KCNK10: variants seen among roughly 807,000 people sequenced by gnomAD.
KCNK10 encodes potassium two pore domain channel subfamily K member 10.
KCNK10 carries 25 observed loss-of-function variants against 47.7 expected under a neutral mutation model. The ratio of observed to expected loss-of-function variants is 0.52; its 90% CI spans 0.38 to 0.73. The LOEUF (loss-of-function observed/expected upper bound fraction) is 0.73, where lower values mean the gene tolerates loss of function less well. Ranked by LOEUF, KCNK10 falls within the 30% of genes least tolerant of loss-of-function variation. KCNK10 has a pLI of 0.00. For synonymous variants in KCNK10, 303 were observed against 285.6 expected (o/e 1.06, Z -0.61); for missense variants, 563 against 714.5 (o/e 0.79, Z 2.42).
chr14:88,222,544 CTCTAG>C (rs2139866442), intron 4 of KCNK10, among the ~76,000 whole-genome samples: 1 of 152,178 alleles, frequency 6.6e-6, no homozygotes, highest in East Asian at 1.9e-4. Flanking sequence ...AAACTATGGA[CTCTAG>C]GTGATAATGA....
chr14:88,290,034 T>C lies in KCNK10; in HGVS notation c.53-26483A>G, dbSNP rs368592593. Among the ~76,000 whole-genome samples, 8 of 152,216 alleles carry C rather than the reference T, an allele frequency of 5.3e-5. No homozygotes were observed. The East Asian group carries it at 1.5e-3, about 29-fold the overall frequency. ...TAAATAATTGGTAGGATCAGCAGGATAATGTTCGGTCCCCCAAAGATGTCC... is the reference window on the plus strand; with the variant it reads ...TAAATAATTGGTAGGATCAGCAGGACAATGTTCGGTCCCCCAAAGATGTCC... On this transcript the variant is annotated intron_variant, in intron 1 of 6. Coordinates refer to ENST00000319231, the MANE Select transcript of KCNK10 (RefSeq NM_138317.3).
chr14:88,252,020 A>G (rs906333766), intron 2 of KCNK10, among the ~76,000 whole-genome samples: 1 of 152,214 alleles, frequency 6.6e-6, no homozygotes, highest in Non-Finnish European at 1.5e-5. Context: ...TAACATGCAT[A>G]AGGTTTGGCT....
chr14:88,285,489 A>G lies in KCNK10; in HGVS notation c.53-21938T>C, dbSNP rs546098155. On this transcript the variant is annotated intron_variant, in intron 1 of 6. Coordinates refer to ENST00000319231, the MANE Select transcript of KCNK10 (RefSeq NM_138317.3). ...TCCAGAGACTAGTTAATTGAAAGCC[A>G]TCTGTATTTGTCTTCACCTTTTAGC... Among the ~76,000 whole-genome samples, 17 of 152,302 alleles carry G rather than the reference A, an allele frequency of 1.1e-4. No homozygotes were observed. In the South Asian group the frequency reaches 3.3e-3, roughly 30 times the overall value.
intron 1 of KCNK10, among the ~76,000 whole-genome samples, chr14:88,314,898 C>T (rs886433738): frequency 6.6e-6 from 1 of 152,122 alleles, no homozygotes; most frequent in African/African-American, 2.4e-5. Flanking sequence ...ATGAAGATAC[C>T]AAGTCACAGA....
At chr14:88,204,255 A>T (rs1249042455) in intron 4 of KCNK10, among the ~76,000 whole-genome samples, 1 of 152,184 alleles carries the variant, frequency 6.6e-6, no homozygotes, top group Non-Finnish European at 1.5e-5. Context: ...AAATAACAGC[A>T]CTGTGCCCTT....
chr14:88,186,089 G>A lies in KCNK10; in HGVS notation c.1078C>T (p.Arg360Trp), dbSNP rs763501900. Residue 360 changes from arginine to tryptophan, a missense_variant, in exon 7 of 7, where the codon CGG becomes TGG. Coordinates refer to ENST00000319231, the MANE Select transcript of KCNK10 (RefSeq NM_138317.3). The surrounding 1 kb of genome is among the most constrained non-coding windows in gnomAD (Gnocchi z 5.5). ...ANVTAEFRET[R>W]RRLSVEIHDK... ...TGGATCTCCACGCTGAGCCTTCGCC[G>A]TGTCTCCCGGAACTCAGCCGTGACA... 3.7e-6 allele frequency: 6 copies of A among 1,611,224 alleles called. No homozygotes were observed. Among genetic ancestry groups the A allele is most frequent in the Non-Finnish European group, 4.2e-6 (5 of 1,179,480 alleles).
chr14:88,254,090 T>C (rs760736394), intron 2 of KCNK10, among the ~76,000 whole-genome samples: 3 of 152,052 alleles, frequency 2.0e-5, no homozygotes, highest in Non-Finnish European at 2.9e-5. Context: ...GCCATGCAGA[T>C]GAAGGCCCCG....
chr14:88,261,853 C>T (rs571344326), intron 2 of KCNK10, among the ~76,000 whole-genome samples: 58 of 151,766 alleles, frequency 3.8e-4, no homozygotes, highest in African/African-American at 1.4e-3. Context: ...GGATTTTTAA[C>T]ATTTTATTTT....
rs115859516 is a variant in KCNK10 at position 88,296,282 on chromosome 14, C to T, written c.52+26465G>A. On this transcript the variant is annotated intron_variant, in intron 1 of 6. Coordinates refer to ENST00000319231, the MANE Select transcript of KCNK10 (RefSeq NM_138317.3). ...GCCTGAATCCTGGTTCTACCATTTC[C>T]TAACTGTATGACCTTGGACAAGTTT... is the stretch of plus-strand genomic sequence containing the variant. Among the ~76,000 whole-genome samples the T allele has an allele frequency of 7.2e-3, 1,104 of 152,304 alleles. 10 individuals carry two copies. The highest frequency in any genetic ancestry group is 0.025 in the African/African-American group (1,051 of 41,568).
chr14:88,226,821 C>T (rs1409565018), intron 4 of KCNK10, among the ~76,000 whole-genome samples: 1 of 152,112 alleles, frequency 6.6e-6, no homozygotes, highest in Non-Finnish European at 1.5e-5. Context: ...ATCAACAGTT[C>T]AGTAGGAAGT....
intron 4 of KCNK10, among the ~76,000 whole-genome samples, chr14:88,205,997 T>C (rs1265893583): frequency 2.0e-5 from 3 of 152,146 alleles, no homozygotes; most frequent in Non-Finnish European, 4.4e-5. Flanking sequence ...CTAGTAAAGG[T>C]ACATAACATA....
At chr14:88,198,437 G>A (rs1185321165) in intron 4 of KCNK10, among the ~76,000 whole-genome samples, 1 of 152,162 alleles carries the variant, frequency 6.6e-6, no homozygotes. Context: ...GCAGCATGAT[G>A]AACAATGCCT....
chr14:88,258,471 A>G (rs1157061616), intron 2 of KCNK10, among the ~76,000 whole-genome samples: 2 of 152,032 alleles, frequency 1.3e-5, no homozygotes, highest in Non-Finnish European at 2.9e-5. Context: ...TTGTATTTTT[A>G]GTAGAGACAG....
intron 1 of KCNK10, among the ~76,000 whole-genome samples, chr14:88,312,087 T>C (rs1295541394): frequency 6.6e-6 from 1 of 152,082 alleles, no homozygotes; most frequent in Non-Finnish European, 1.5e-5. Context: ...TATTCAACAA[T>C]GTCCAGCTCC....
chr14:88,315,349 T>C (rs1427858691), intron 1 of KCNK10, among the ~76,000 whole-genome samples: 1 of 152,198 alleles, frequency 6.6e-6, no homozygotes, highest in Non-Finnish European at 1.5e-5. Flanking sequence ...GAGGAAAATA[T>C]AAATTAATAA....
rs1884324989 is a variant in KCNK10, at chr14:88,180,917, G to T, written c.*4618C>A. On this transcript the variant is annotated 3_prime_UTR_variant, in exon 7 of 7. Transcript: ENST00000319231. Reference sequence around the variant, plus strand: ...CCACACTAAAGTGATCTTTGTTTCAGAGAGTTACCCTTTTTCTTTTTAAGG... The same window carrying T: ...CCACACTAAAGTGATCTTTGTTTCATAGAGTTACCCTTTTTCTTTTTAAGG... 5.0e-6 allele frequency: 2 copies of T among 398,464 alleles called. No individual in the cohort carries two copies. Among genetic ancestry groups the T allele is most frequent in the South Asian group, 1.3e-4 (1 of 7,842 alleles). 24.7% of individuals were successfully genotyped at this position (398,464 alleles called of 1,614,324 possible).
chr14:88,187,635 A>C (rs55827623), intron 6 of KCNK10, among the ~76,000 whole-genome samples: 32,704 of 127,454 alleles, frequency 0.26, 4,461 homozygotes, highest in Non-Finnish European at 0.31. Context: ...ACCCCCCCAC[A>C]CACACACTCA....
chr14:88,303,512 G>A (rs1888146125), intron 1 of KCNK10, among the ~76,000 whole-genome samples: 1 of 152,100 alleles, frequency 6.6e-6, no homozygotes, highest in Non-Finnish European at 1.5e-5. Flanking sequence ...ATGAGGGGTG[G>A]CTGGCGGCAA....
chr14:88,262,887 G>T (rs1887150503), intron 2 of KCNK10, among the ~76,000 whole-genome samples: 1 of 152,086 alleles, frequency 6.6e-6, no homozygotes, highest in Non-Finnish European at 1.5e-5. Flanking sequence ...GCATTCCACA[G>T]AGTTCAGAAT....
Sources: gnomAD v4.1 joint callset for allele counts (sites outside exome capture counted in the v4.1 genomes callset) on GRCh38, gnomAD v4.1.1 for gene constraint, Gnocchi (gnomAD v3.1) non-coding constraint, MANE v1.5 for transcripts, NCBI Gene and HGNC (gene_info 2026-07-23, HGNC 2026-07-21) for gene names.